The following FOLH1 variants were observed in gnomAD, a reference collection of about 807,000 sequenced individuals.
FOLH1 encodes glutamate carboxypeptidase 2.
A neutral mutation model predicts 93.9 loss-of-function variants in FOLH1; 54 were observed. The ratio of observed to expected loss-of-function variants is 0.57; its 90% CI spans 0.46 to 0.72. FOLH1 has a LOEUF of 0.72. Among genes scored for constraint, FOLH1 ranks in the 30% least tolerant of loss-of-function variants. The pLI, the probability that FOLH1 is intolerant of heterozygous loss-of-function variation, is 0.00. For missense variants in FOLH1, 571 were observed against 892.5 expected (o/e 0.64, Z 4.59); for synonymous variants, 249 against 303.6 (o/e 0.82, Z 1.87).
intron 17 of FOLH1, among the ~76,000 whole-genome samples, chr11:49,151,765 A>C (rs192122505): frequency 6.6e-6 from 1 of 152,176 alleles, no homozygotes. Context: ...ACAAACCACA[A>C]TTCAAACCAT....
At chr11:49,180,166 A>G (rs1449144913) in intron 7 of FOLH1, among the ~76,000 whole-genome samples, 1 of 152,232 alleles carries the variant, frequency 6.6e-6, no homozygotes, top group African/African-American at 2.4e-5. Flanking sequence ...GGTTACAATG[A>G]GTATCACAAT....
rs767480502 is a variant in FOLH1, at chr11:49,164,658, A to T, written c.1440+47T>A. Reference sequence around the variant, plus strand: ...GTTTAACATAATACCTCAAGAAAACATCATTTGTAGAATTTGGGTTTTCTT... The same window carrying T: ...GTTTAACATAATACCTCAAGAAAACTTCATTTGTAGAATTTGGGTTTTCTT... On this transcript the variant is annotated intron_variant, in intron 13 of 18. Coordinates refer to ENST00000256999, the MANE Select transcript of FOLH1 (RefSeq NM_004476.3). 29 of 1,319,638 alleles carry T rather than the reference A, an allele frequency of 2.2e-5. No individual in the cohort carries two copies. The African/African-American group carries it at 4.0e-4, about 18-fold the overall frequency. The allele number at this position is 1,319,638 out of a possible 1,614,324, so 81.7% of individuals were successfully genotyped here. A position where few individuals can be genotyped will look rare whatever the true frequency, so the allele number is the denominator to read the frequency against.
At chr11:49,172,324 T>A (rs994296144) in intron 10 of FOLH1, among the ~76,000 whole-genome samples, 4 of 152,190 alleles carry the variant, frequency 2.6e-5, no homozygotes, top group African/African-American at 9.6e-5. Context: ...TTGTTTGTTT[T>A]CTTCAAATAT....
At chr11:49,195,175 C>T (rs1413848785) in intron 3 of FOLH1, among the ~76,000 whole-genome samples, 1 of 152,010 alleles carries the variant, frequency 6.6e-6, no homozygotes, top group Admixed American at 6.6e-5. Flanking sequence ...CCAAAGGAAG[C>T]CTCAACAATT....
intron 17 of FOLH1, among the ~76,000 whole-genome samples, chr11:49,150,922 G>A (rs777061066): frequency 2.6e-5 from 4 of 152,166 alleles, no homozygotes; most frequent in Non-Finnish European, 4.4e-5. Flanking sequence ...AGAGCATTTA[G>A]TGATCATTTC....
intron 17 of FOLH1, among the ~76,000 whole-genome samples, chr11:49,150,173 A>C (rs1307841212): frequency 4.6e-5 from 7 of 152,210 alleles, no homozygotes; most frequent in Non-Finnish European, 1.0e-4. Context: ...TCACTGTATT[A>C]ATTGAAAAAA....
intron 3 of FOLH1, among the ~76,000 whole-genome samples, chr11:49,193,449 C>T (rs1862282528): frequency 6.6e-6 from 1 of 151,984 alleles, no homozygotes; most frequent in African/African-American, 2.4e-5. Context: ...ATTTTAATCA[C>T]CAAATAAAAA....
chr11:49,146,754 T>C lies in FOLH1; in HGVS notation c.*2A>G, dbSNP rs763040665. The stretch of plus-strand genomic sequence containing the variant: ...TCAATACGGATTCTCTAAAGAATCC[T>C]CTTAGGCTACTTCACTCAAAGTCTC... On this transcript the variant is annotated 3_prime_UTR_variant, in exon 19 of 19. Coordinates refer to ENST00000256999, the MANE Select transcript of FOLH1 (RefSeq NM_004476.3). The C allele has an allele frequency of 2.8e-5, 45 of 1,608,650 alleles. No homozygotes were observed. The highest frequency in any genetic ancestry group is 3.8e-5 in the Non-Finnish European group (45 of 1,177,290).
At chr11:49,205,959 A>C (rs1258499080) in intron 2 of FOLH1, 108 bp downstream of exon 2, 9 of 1,152,780 alleles carry the variant, frequency 7.8e-6, no homozygotes, top group Non-Finnish European at 9.4e-6. Flanking sequence ...TTTAATAAAT[A>C]AAATTTTAAG....
At position 49,200,262 on chromosome 11, in the gene FOLH1, C is replaced by T. The variant is rs763728006; in HGVS notation, c.404G>A (p.Gly135Glu). Residue 135 changes from glycine (G) to glutamate (E), a missense_variant, in exon 3 of 19, where the codon GGA becomes GAA. Gly to Glu is a moderately conservative substitution (Grantham distance 98, BLOSUM62 -2). Around this residue, in one of 2 missense-constraint regions of FOLH1, gnomAD observed 500 missense variants for 822.9 expected, o/e 0.61. Transcript: ENST00000256999. Reference protein sequence around the residue: ...PNYISIINEDGNEIFNTSLFE... With the variant: ...PNYISIINEDENEIFNTSLFE... ...TATTTATTTATTTTTTACCTCATTTCCATCTTCATTAATTATTGAGATGTA... is the reference window on the plus strand; with the variant it reads ...TATTTATTTATTTTTTACCTCATTTTCATCTTCATTAATTATTGAGATGTA... 2 of 1,544,106 alleles carry T rather than the reference C, an allele frequency of 1.3e-6. No individual in the cohort carries two copies. The highest frequency in any genetic ancestry group is 1.7e-6 in the Non-Finnish European group (2 of 1,146,258).
chr11:49,158,305 A>C (rs1488427204), intron 13 of FOLH1, among the ~76,000 whole-genome samples: 1 of 152,124 alleles, frequency 6.6e-6, no homozygotes, highest in Non-Finnish European at 1.5e-5. Flanking sequence ...ATACCAAGCC[A>C]TTGTCTTTAG....
rs878920194 is a variant in FOLH1 at position 49,145,702 on chromosome 11, C to T, written c.*1054G>A. Among the ~76,000 whole-genome samples the T allele has an allele frequency of 4.6e-5, 7 of 152,178 alleles. No homozygotes were observed. Among genetic ancestry groups the T allele is most frequent in the African/African-American group, 1.2e-4 (5 of 41,458 alleles). On this transcript the variant is annotated 3_prime_UTR_variant, in exon 19 of 19. Transcript: ENST00000256999. ...CCATGGAGACAAGAGCAATTCCTTA[C>T]ATCTGCTCATCACATATTCTTGAGA...
intron 2 of FOLH1, among the ~76,000 whole-genome samples, chr11:49,205,030 G>A (rs1863732557): frequency 6.6e-6 from 1 of 152,020 alleles, no homozygotes; most frequent in South Asian, 2.1e-4. Context: ...GACCAACATG[G>A]AGAAACCCTG....
chr11:49,206,944 C>T (rs1008656175), intron 1 of FOLH1: 3 of 647,676 alleles, frequency 4.6e-6, no homozygotes, highest in Non-Finnish European at 8.1e-6. Context: ...AAAGTAGTTA[C>T]AAAATTAGTC....
chr11:49,160,677 T>C, intron 13 of FOLH1, among the ~76,000 whole-genome samples: 1 of 152,096 alleles, frequency 6.6e-6, no homozygotes, highest in East Asian at 1.9e-4. Flanking sequence ...CTCCTGACCT[T>C]GTGATCTGCC....
intron 17 of FOLH1, 125 bp from the exon 18 acceptor site, chr11:49,148,856 C>T (rs1590395507): frequency 1.3e-6 from 1 of 762,104 alleles, no homozygotes; most frequent in African/African-American, 1.8e-5. Context: ...ACCCTCTACA[C>T]CAAAATTTGT....
intron 13 of FOLH1, among the ~76,000 whole-genome samples, chr11:49,158,822 T>A (rs1857310510): frequency 6.6e-6 from 1 of 152,238 alleles, no homozygotes; most frequent in Non-Finnish European, 1.5e-5. Flanking sequence ...CAGTGGTTTG[T>A]AGTTCTCCTT....
At chr11:49,206,489 T>C (rs1863974331) in intron 1 of FOLH1, among the ~76,000 whole-genome samples, 1 of 152,192 alleles carries the variant, frequency 6.6e-6, no homozygotes, top group Non-Finnish European at 1.5e-5. Flanking sequence ...AACTAATGGG[T>C]GTAAACGAGA....
At chr11:49,195,135 C>A (rs959511353) in intron 3 of FOLH1, among the ~76,000 whole-genome samples, 1 of 152,018 alleles carries the variant, frequency 6.6e-6, no homozygotes, top group Admixed American at 6.6e-5. Flanking sequence ...AAACACAGAA[C>A]GTCTATAAAA....
Sources: gnomAD v4.1 joint callset for allele counts (sites outside exome capture counted in the v4.1 genomes callset) on GRCh38, gnomAD v4.1.1 for gene constraint, gnomAD v4.1.1 regional missense constraint, MANE v1.5 for transcripts, NCBI Gene and HGNC (gene_info 2026-07-23, HGNC 2026-07-21) for gene names.